The following AFF3 variants were observed in gnomAD, a reference collection of about 807,000 sequenced individuals.
The protein encoded by AFF3 is AF4/FMR2 family member 3.
Under a neutral mutation model 129.7 loss-of-function variants are expected in AFF3, and 32 were observed. The ratio of observed to expected loss-of-function variants is 0.25; its 90% CI spans 0.19 to 0.33. AFF3 has a LOEUF of 0.33. Ranked by LOEUF, AFF3 falls within the 10% of genes least tolerant of loss-of-function variation. The pLI is 1.00. For missense variants in AFF3, 1,373 were observed against 1,592.0 expected (o/e 0.86, Z 2.34); for synonymous variants, 644 against 635.4 (o/e 1.01, Z -0.20).
Position 100,007,480 on chromosome 2 carries a change from T to A in AFF3, c.175-20A>T. ...GTTAGTCTGGAGAAAGAAAAACACA[T>A]CCACGCTATTGTTAGAGACAACAGA... On this transcript the variant is annotated intron_variant, in intron 5 of 24. Coordinates refer to ENST00000672756, the MANE Select transcript of AFF3 (RefSeq NM_001386135.1). The A allele has an allele frequency of 6.3e-7, 1 of 1,598,356 alleles. No homozygotes were observed.
chr2:99,576,477 C>T (rs957140033), intron 18 of AFF3, among the ~76,000 whole-genome samples: 1 of 147,676 alleles, frequency 6.8e-6, no homozygotes, highest in Non-Finnish European at 1.5e-5. Flanking sequence ...GCTCATACCA[C>T]TGCACTCTAG....
chr2:99,637,936 C>A (rs1312780237), intron 13 of AFF3, among the ~76,000 whole-genome samples: 1 of 152,134 alleles, frequency 6.6e-6, no homozygotes, highest in East Asian at 1.9e-4. Context: ...AGGAGTGTGA[C>A]ATAGTGACAA....
intron 1 of AFF3, 76 bp from the exon 2 acceptor site, chr2:100,129,382 CTGTGTGTGTGTGTG>C (rs10585567): frequency 2.1e-4 from 31 of 145,392 alleles, no homozygotes; most frequent in Admixed American, 1.5e-3. Flanking sequence ...TCCTATAACT[CTGTGTGTGTGTGTG>C]TGTGTGTGTG....
At chr2:99,849,286 C>T (rs1689964871) in intron 7 of AFF3, among the ~76,000 whole-genome samples, 1 of 152,140 alleles carries the variant, frequency 6.6e-6, no homozygotes, top group African/African-American at 2.4e-5. Flanking sequence ...CTGGCAGATA[C>T]AGTCACAGAA....
At chr2:100,015,908 T>G (rs1171966003) in intron 4 of AFF3, among the ~76,000 whole-genome samples, 3 of 149,916 alleles carry the variant, frequency 2.0e-5, no homozygotes, top group African/African-American at 7.4e-5. Flanking sequence ...GGCAGTAGTG[T>G]TGGTGGTAGT....
At chr2:99,880,394 T>C (rs1392386073) in intron 7 of AFF3, among the ~76,000 whole-genome samples, 1 of 152,164 alleles carries the variant, frequency 6.6e-6, no homozygotes, top group East Asian at 1.9e-4. Flanking sequence ...CAGAGCTGTT[T>C]TTCCCCTCGG....
In AFF3 at chr2:99,776,428, A is replaced by G. The variant is rs138017527; in HGVS notation, c.922-24127T>C. Among the ~76,000 whole-genome samples the G allele has an allele frequency of 1.6e-3, 240 of 152,358 alleles. 1 individual carries two copies. Among genetic ancestry groups the G allele is most frequent in the African/African-American group, 5.6e-3 (234 of 41,570 alleles). ...AATGCTTCAGGTTGGCAGAAGGTAGAAACCCTGTATTGGCTAAATATTTAG... is the reference window on the plus strand; with the variant it reads ...AATGCTTCAGGTTGGCAGAAGGTAGGAACCCTGTATTGGCTAAATATTTAG... On this transcript the variant is annotated intron_variant, in intron 8 of 24. Transcript: ENST00000672756.
chr2:99,630,462 GGCA>G (rs1683021667), intron 13 of AFF3: 1 of 152,302 alleles, frequency 6.6e-6, no homozygotes, highest in South Asian at 2.1e-4. Context: ...AGAATCAACA[GGCA>G]TGCTTTCACA....
chr2:99,626,915 T>C (rs2105353741), intron 13 of AFF3, among the ~76,000 whole-genome samples: 1 of 152,350 alleles, frequency 6.6e-6, no homozygotes, highest in Admixed American at 6.5e-5. Context: ...TTTGTTCTTT[T>C]TTATGGCCGC....
intron 11 of AFF3, among the ~76,000 whole-genome samples, chr2:99,687,456 C>T (rs1356344162): frequency 2.0e-5 from 3 of 152,230 alleles, no homozygotes; most frequent in South Asian, 2.1e-4. Flanking sequence ...TGAGTGGGAG[C>T]TTCAAGTCAT....
At chr2:99,576,271 T>G (rs371707646) in intron 18 of AFF3, among the ~76,000 whole-genome samples, 2 of 151,386 alleles carry the variant, frequency 1.3e-5, no homozygotes, top group Non-Finnish European at 2.9e-5. Flanking sequence ...GACCTAGTGA[T>G]TCACCTGCCC....
intron 2 of AFF3, among the ~76,000 whole-genome samples, chr2:100,124,127 C>A (rs538650930): frequency 2.0e-5 from 3 of 152,206 alleles, no homozygotes; most frequent in Admixed American, 2.0e-4. Flanking sequence ...ACTCTCTTTC[C>A]TCTCTCAGAA....
At chr2:99,874,722 TG>T (rs556686749) in intron 7 of AFF3, among the ~76,000 whole-genome samples, 56 of 152,238 alleles carry the variant, frequency 3.7e-4, no homozygotes, top group South Asian at 2.1e-3. Flanking sequence ...AGAAAACTGG[TG>T]AAATGTGAAT....
intron 7 of AFF3, among the ~76,000 whole-genome samples, chr2:99,906,263 C>A (rs1694709599): frequency 6.6e-6 from 1 of 152,146 alleles, no homozygotes; most frequent in Non-Finnish European, 1.5e-5. Flanking sequence ...GCATTATTAA[C>A]CTCATTTTAT....
chr2:99,892,758 C>T (rs571097731), intron 7 of AFF3, among the ~76,000 whole-genome samples: 89 of 152,354 alleles, frequency 5.8e-4, no homozygotes, highest in Non-Finnish European at 1.1e-3. Context: ...CTCAAGACAG[C>T]ATCCGATCTC....
chr2:99,883,142 C>G (rs1692846398), intron 7 of AFF3, among the ~76,000 whole-genome samples: 2 of 152,016 alleles, frequency 1.3e-5, no homozygotes, highest in African/African-American at 4.8e-5. Flanking sequence ...AACATGCAAC[C>G]CAGGGAAGGG....
chr2:100,133,300 T>TA (rs949973501), intron 1 of AFF3, among the ~76,000 whole-genome samples: 18 of 150,904 alleles, frequency 1.2e-4, no homozygotes, highest in South Asian at 4.2e-4. Flanking sequence ...TAAAAACAAT[T>TA]AAAAAAAAAC....
chr2:100,075,473 G>C (rs970108988), intron 4 of AFF3, among the ~76,000 whole-genome samples: 2 of 152,038 alleles, frequency 1.3e-5, no homozygotes, highest in Non-Finnish European at 2.9e-5. Flanking sequence ...CTCTTTCTCA[G>C]AACATTCTAT....
chr2:99,987,386 G>C (rs148938417), intron 7 of AFF3, among the ~76,000 whole-genome samples: 26 of 152,276 alleles, frequency 1.7e-4, no homozygotes, highest in Non-Finnish European at 3.4e-4. Flanking sequence ...GCAGAAATCA[G>C]ACCCTATACT....
Sources: gnomAD v4.1 joint callset for allele counts (sites outside exome capture counted in the v4.1 genomes callset) on GRCh38, gnomAD v4.1.1 for gene constraint, MANE v1.5 for transcripts, NCBI Gene and HGNC (gene_info 2026-07-23, HGNC 2026-07-21) for gene names.